TEKTIP1: variants seen among roughly 807,000 people sequenced by gnomAD.
The protein encoded by TEKTIP1 is tektin bundle interacting protein 1, also known as tektin bundle-interacting protein 1.
chr19:3,541,268 C>G, the TEKTIP1 span, among the ~76,000 whole-genome samples: 2 of 149,368 alleles, frequency 1.3e-5, no homozygotes, highest in African/African-American at 4.9e-5. Context: ...CCTAGGAGGT[C>G]AAGGCTGCAG....
At chr19:3,543,883 TGCCCTCCCTGTCGGCACCCCAGC>T in the TEKTIP1 span, 5 of 1,550,514 alleles carry the variant, frequency 3.2e-6, no homozygotes, top group Admixed American at 2.0e-5. Flanking sequence ...TCAGACTACG[TGCCCTCCCTGTCGGCACCCCAGC>T]GCCCGCCCGG....
the TEKTIP1 span, chr19:3,543,315 G>C: frequency 1.5e-5 from 23 of 1,549,188 alleles, no homozygotes; most frequent in African/African-American, 2.7e-5. Context: ...ACGCCCATGG[G>C]ACGGGACGCA....
the TEKTIP1 span, chr19:3,539,186 C>T: frequency 5.2e-6 from 8 of 1,550,320 alleles, no homozygotes; most frequent in Non-Finnish European, 6.1e-6. Context: ...ACATGCAAAC[C>T]CTCAGGCAAG....
the TEKTIP1 span, among the ~76,000 whole-genome samples, chr19:3,540,438 A>G: frequency 2.6e-5 from 4 of 151,226 alleles, no homozygotes; most frequent in African/African-American, 9.7e-5. Context: ...TTGTATTTTT[A>G]GTAGAGACGG....
At chr19:3,543,653 GAC>G in the TEKTIP1 span, 5 of 1,543,212 alleles carry the variant, frequency 3.2e-6, no homozygotes, top group Non-Finnish European at 4.4e-6. Context: ...GCTGTGGAAA[GAC>G]AGGCCAATCC....
the TEKTIP1 span, chr19:3,543,865 G>A: frequency 1.9e-6 from 3 of 1,548,866 alleles, no homozygotes; most frequent in East Asian, 2.4e-5. Flanking sequence ...GAGCCACTGT[G>A]GAGGGCATCA....
At chr19:3,543,398 C>T in the TEKTIP1 span, 6 of 1,548,716 alleles carry the variant, frequency 3.9e-6, no homozygotes, top group South Asian at 7.1e-5. Context: ...GCCACGGGCC[C>T]CGGCCAGCCC....
the TEKTIP1 span, chr19:3,542,668 A>G: frequency 8.6e-7 from 1 of 1,161,066 alleles, no homozygotes; most frequent in South Asian, 1.5e-5. Flanking sequence ...TTTTTAGTAG[A>G]GATGGGGTTT....
At chr19:3,542,811 T>C in the TEKTIP1 span, 1 of 1,372,408 alleles carries the variant, frequency 7.3e-7, no homozygotes, top group Non-Finnish European at 9.8e-7. Flanking sequence ...CCCTGGGCCA[T>C]GGCTTAGTGC....
At chr19:3,543,631 G>A in the TEKTIP1 span, 1 of 1,544,476 alleles carries the variant, frequency 6.5e-7, no homozygotes, top group Non-Finnish European at 8.7e-7. Flanking sequence ...CCAGCACCCG[G>A]TGGGGGAGCG....
At chr19:3,541,046 G>T in the TEKTIP1 span, among the ~76,000 whole-genome samples, 14 of 149,916 alleles carry the variant, frequency 9.3e-5, no homozygotes, top group Non-Finnish European at 1.5e-5. Flanking sequence ...GCGGGCGCCT[G>T]CAATCCCAGC....
At chr19:3,539,359 C>T in the TEKTIP1 span, 29 of 693,892 alleles carry the variant, frequency 4.2e-5, no homozygotes, top group Admixed American at 6.8e-4. Flanking sequence ...TTGCACGTGT[C>T]ACTCGTTATT....
the TEKTIP1 span, chr19:3,543,117 AG>A: frequency 6.6e-7 from 1 of 1,522,892 alleles, no homozygotes; most frequent in Non-Finnish European, 8.8e-7. Context: ...GTGGCGAGGG[AG>A]GGAGACCCCA....
chr19:3,542,055 C>A, the TEKTIP1 span: 1 of 814,112 alleles, frequency 1.2e-6, no homozygotes, highest in African/African-American at 1.9e-5. Flanking sequence ...GGTGATCTAC[C>A]CACCTTGGCC....
the TEKTIP1 span, chr19:3,543,004 C>T: frequency 6.3e-7 from 1 of 1,599,062 alleles, no homozygotes; most frequent in Non-Finnish European, 8.5e-7. Context: ...TTAGTGCTGA[C>T]TTGGGTGCTT....
the TEKTIP1 span, chr19:3,543,118 G>C: frequency 3.9e-6 from 6 of 1,522,144 alleles, no homozygotes; most frequent in East Asian, 4.9e-5. Context: ...TGGCGAGGGA[G>C]GGAGACCCCA....
the TEKTIP1 span, chr19:3,539,387 T>C: frequency 1.6e-6 from 1 of 634,360 alleles, no homozygotes; most frequent in East Asian, 2.8e-5. Flanking sequence ...GGCTCATGTG[T>C]GTGACGTCCC....
chr19:3,542,309 C>CCTGACT, the TEKTIP1 span: 2 of 985,392 alleles, frequency 2.0e-6, no homozygotes, highest in Non-Finnish European at 1.2e-6. Flanking sequence ...AGGATTTAAG[C>CCTGACT]AGAGTTCCTG....
chr19:3,540,469 G>A, the TEKTIP1 span, among the ~76,000 whole-genome samples: 3 of 151,410 alleles, frequency 2.0e-5, no homozygotes, highest in East Asian at 2.0e-4. Context: ...TGTTGGCCAG[G>A]ATGGTCTCGA....
Sources: gnomAD v4.1 joint callset for allele counts (sites outside exome capture counted in the v4.1 genomes callset) on GRCh38, gnomAD v4.1.1 for gene constraint, MANE v1.5 for transcripts, NCBI Gene and HGNC (gene_info 2026-07-23, HGNC 2026-07-21) for gene names.